Variants in USP37 observed in about 807,000 individuals in gnomAD.
USP37 encodes ubiquitin specific peptidase 37.
Under a neutral mutation model 124.0 loss-of-function variants are expected in USP37, and 27 were observed. That is an observed-to-expected ratio of 0.22 (90% CI 0.16 to 0.30). The LOEUF (loss-of-function observed/expected upper bound fraction) is 0.30. Ranked by LOEUF, USP37 falls within the 10% of genes least tolerant of loss-of-function variation. The probability of loss-of-function intolerance (pLI) is 1.00; values close to 1 mark genes in which losing one functional copy is unlikely to be tolerated. For synonymous variants in USP37, 365 were observed against 388.0 expected (o/e 0.94, Z 0.70); for missense variants, 889 against 1,140.4 (o/e 0.78, Z 3.17).
In USP37 at chr2:218,495,671, A is replaced by G. The variant is rs576156998; in HGVS notation, c.1472+89T>C. On this transcript the variant is annotated intron_variant, in intron 14 of 25. Coordinates refer to ENST00000258399, the MANE Select transcript of USP37 (RefSeq NM_020935.3). ...AGACCCTGTCTTAAAAACAGAAAAGAATTCATGGCATTTGGTATGTCATAG... is the reference window on the plus strand; with the variant it reads ...AGACCCTGTCTTAAAAACAGAAAAGGATTCATGGCATTTGGTATGTCATAG... 144 of 1,395,578 alleles carry G rather than the reference A, an allele frequency of 1.0e-4. No homozygotes were observed. The African/African-American group carries it at 2.0e-3, about 20-fold the overall frequency. 86.4% of individuals were successfully genotyped at this position (1,395,578 alleles called of 1,614,324 possible).
At chr2:218,529,184 C>A (rs1236378214) in intron 10 of USP37, among the ~76,000 whole-genome samples, 1 of 152,202 alleles carries the variant, frequency 6.6e-6, no homozygotes, top group Non-Finnish European at 1.5e-5. Flanking sequence ...AGGCACACGG[C>A]ACCATGCCCA....
chr2:218,517,446 T>A (rs1690357591), intron 10 of USP37, among the ~76,000 whole-genome samples: 1 of 152,214 alleles, frequency 6.6e-6, no homozygotes. Flanking sequence ...TATTATTTTG[T>A]TTTGTATGAT....
chr2:218,528,711 A>G (rs536100040), intron 10 of USP37: 1 of 431,350 alleles, frequency 2.3e-6, no homozygotes, highest in South Asian at 5.3e-5. Context: ...TTTTACATTT[A>G]AAACCATCAA....
chr2:218,566,728 G>T (rs1693618477), intron 1 of USP37, among the ~76,000 whole-genome samples: 1 of 152,158 alleles, frequency 6.6e-6, no homozygotes, highest in South Asian at 2.1e-4. Context: ...AGGAAGCCAA[G>T]GCAATCAAGT....
intron 6 of USP37, among the ~76,000 whole-genome samples, chr2:218,547,583 C>CAAAA (rs58787835): frequency 8.4e-5 from 6 of 71,588 alleles, no homozygotes; most frequent in Admixed American, 1.5e-4. Flanking sequence ...AATTACTAAC[C>CAAAA]AAAAAAAAAA....
chr2:218,456,993 GA>G, intron 24 of USP37, 98 bp downstream of exon 24: 1 of 1,217,872 alleles, frequency 8.2e-7, no homozygotes, highest in Non-Finnish European at 1.1e-6. Flanking sequence ...AAAAGAAAAA[GA>G]AAAACACACT....
chr2:218,500,894 T>C (rs1032607883), intron 11 of USP37: 2 of 164,522 alleles, frequency 1.2e-5, no homozygotes, highest in Non-Finnish European at 2.9e-5. Flanking sequence ...GGTCATCCTC[T>C]TTGACTGAGC....
chr2:218,497,968 T>A (rs1574886360), intron 12 of USP37, 58 bp downstream of exon 12: 1 of 1,568,378 alleles, frequency 6.4e-7, no homozygotes, highest in Non-Finnish European at 8.6e-7. Flanking sequence ...TAAAATTCCA[T>A]TATTCTATAA....
chr2:218,456,310 G>A (rs1180385644), intron 24 of USP37, among the ~76,000 whole-genome samples: 8 of 152,052 alleles, frequency 5.3e-5, no homozygotes, highest in Middle Eastern at 3.4e-3. Flanking sequence ...AATTAGTCAG[G>A]TGTGGTGGCA....
intron 10 of USP37, among the ~76,000 whole-genome samples, chr2:218,529,246 C>T (rs1325189352): frequency 6.6e-6 from 1 of 152,138 alleles, no homozygotes; most frequent in Non-Finnish European, 1.5e-5. Context: ...TGGCTCACGC[C>T]TATAATCCCA....
intron 5 of USP37, among the ~76,000 whole-genome samples, chr2:218,552,469 C>CT (rs1692720425): frequency 6.6e-6 from 1 of 152,090 alleles, no homozygotes; most frequent in Admixed American, 6.6e-5. Context: ...AATCCCAGCA[C>CT]TTTGGCAGGC....
intron 8 of USP37, among the ~76,000 whole-genome samples, chr2:218,543,784 C>T (rs1692135520): frequency 1.3e-5 from 2 of 151,644 alleles, no homozygotes; most frequent in Non-Finnish European, 2.9e-5. Flanking sequence ...CCAGCCTGGG[C>T]AACACAGCGA....
chr2:218,505,013 C>T (rs74738815), intron 11 of USP37, among the ~76,000 whole-genome samples: 5,193 of 151,960 alleles, frequency 0.034, 117 homozygotes, highest in East Asian at 0.12. Context: ...ACTACTTTAT[C>T]AGAAAAAAAA....
chr2:218,460,926 C>T (rs934956443), intron 22 of USP37, among the ~76,000 whole-genome samples: 2 of 150,692 alleles, frequency 1.3e-5, no homozygotes, highest in South Asian at 2.1e-4. Context: ...GGTGACAGAG[C>T]GAGACTCTGT....
Position 218,549,821 on chromosome 2 carries a change from G to A in USP37, c.417C>T (p.Tyr139=). The A allele has an allele frequency of 6.2e-7, 1 of 1,612,676 alleles. No homozygotes were observed. Among genetic ancestry groups the A allele is most frequent in the Non-Finnish European group, 8.5e-7 (1 of 1,179,446 alleles). The change falls in exon 6 of 26, where the codon TAC becomes TAT. Residue 139 remains tyrosine, a synonymous_variant. Coordinates refer to ENST00000258399, the MANE Select transcript of USP37 (RefSeq NM_020935.3). ...CAAATGAACATACCTGATTGTCTGA[G>A]TAAGAAAGCTGCCTGCTGGTTTCCT... ...SQKETSRQLS[Y]SDNQASAKRG... is the part of the protein sequence containing the mutation.
chr2:218,459,212 T>TC (rs1278411234), intron 23 of USP37, among the ~76,000 whole-genome samples: 1 of 152,036 alleles, frequency 6.6e-6, no homozygotes, highest in Non-Finnish European at 1.5e-5. Flanking sequence ...GGTAATTTTT[T>TC]CCCCCCGAGA....
intron 17 of USP37, among the ~76,000 whole-genome samples, chr2:218,481,826 T>C (rs1312623082): frequency 6.6e-6 from 1 of 152,004 alleles, no homozygotes; most frequent in Non-Finnish European, 1.5e-5. Flanking sequence ...CTTTATTATT[T>C]TATTTTTTGT....
intron 5 of USP37, 97 bp downstream of exon 5, chr2:218,553,456 T>C: frequency 8.5e-7 from 1 of 1,169,656 alleles, no homozygotes; most frequent in Non-Finnish European, 1.2e-6. Flanking sequence ...GTATAATCCT[T>C]TTAATGTGCT....
At chr2:218,520,012 A>G (rs897921363) in intron 10 of USP37, among the ~76,000 whole-genome samples, 2 of 152,086 alleles carry the variant, frequency 1.3e-5, no homozygotes, top group Non-Finnish European at 2.9e-5. Flanking sequence ...ATCTAGGCTC[A>G]CTGCAATCTC....
Sources: allele counts gnomAD v4.1 joint callset (sites outside exome capture counted in the v4.1 genomes callset), GRCh38; gene constraint gnomAD v4.1.1; transcripts MANE v1.5; gene names NCBI Gene and HGNC (gene_info 2026-07-23, HGNC 2026-07-21).